Variants in ITPR1 observed in about 807,000 individuals in gnomAD.
The protein encoded by ITPR1 is inositol 1,4,5-trisphosphate receptor type 1.
A neutral mutation model predicts 318.4 loss-of-function variants in ITPR1; 96 were observed. The ratio of observed to expected loss-of-function variants is 0.30; its 90% CI spans 0.26 to 0.36. ITPR1 has a LOEUF of 0.36. Among genes scored for constraint, ITPR1 ranks in the 10% least tolerant of loss-of-function variants. ITPR1 has a pLI of 1.00. For missense variants in ITPR1, 2,440 were observed against 3,460.2 expected (o/e 0.71, Z 7.40); for synonymous variants, 1,312 against 1,289.9 (o/e 1.02, Z -0.37).
chr3:4,593,641 G>A (rs1470991775), intron 4 of ITPR1, among the ~76,000 whole-genome samples: 1 of 152,228 alleles, frequency 6.6e-6, no homozygotes, highest in Admixed American at 6.5e-5. Flanking sequence ...GAGGGGCCAT[G>A]CTGTTCTTTG....
chr3:4,703,628 T>C (rs2094699763), intron 36 of ITPR1, among the ~76,000 whole-genome samples: 1 of 152,110 alleles, frequency 6.6e-6, no homozygotes, highest in Non-Finnish European at 1.5e-5. Context: ...TTGCAGACAG[T>C]AACAAGAAGA....
At chr3:4,788,476 G>A (rs1227627100) in intron 52 of ITPR1, among the ~76,000 whole-genome samples, 1 of 152,220 alleles carries the variant, frequency 6.6e-6, no homozygotes, top group Non-Finnish European at 1.5e-5. Context: ...CTCACAGGGT[G>A]GTTCACTTGA....
At chr3:4,671,283 G>A (rs1430389239) in intron 20 of ITPR1, among the ~76,000 whole-genome samples, 1 of 152,170 alleles carries the variant, frequency 6.6e-6, no homozygotes, top group East Asian at 1.9e-4. Flanking sequence ...TTGATTTTAT[G>A]CTCTAATTTC....
chr3:4,717,174 G>A (rs1267515215), intron 39 of ITPR1, among the ~76,000 whole-genome samples, 193 bp from the exon 40 acceptor site: 7 of 152,206 alleles, frequency 4.6e-5, no homozygotes, highest in South Asian at 4.1e-4. Context: ...CATCGTGTCC[G>A]TTTTGGTCCT....
At chr3:4,645,751 G>C in intron 10 of ITPR1, 23 bp downstream of exon 10, 1 of 1,607,480 alleles carries the variant, frequency 6.2e-7, no homozygotes, top group Non-Finnish European at 8.5e-7. Flanking sequence ...TGGAGAAAGG[G>C]CTCCTGGGTT....
intron 4 of ITPR1, among the ~76,000 whole-genome samples, chr3:4,575,501 C>G (rs756644114): frequency 3.9e-5 from 6 of 152,128 alleles, no homozygotes; most frequent in Non-Finnish European, 5.9e-5. Context: ...GATTGTCTCT[C>G]CAGACCTGTC....
intron 2 of ITPR1, among the ~76,000 whole-genome samples, chr3:4,501,798 A>G (rs1441392184): frequency 6.6e-6 from 1 of 152,242 alleles, no homozygotes; most frequent in Non-Finnish European, 1.5e-5. Context: ...GAAAGAGACC[A>G]GAAGGCACAT....
intron 31 of ITPR1, among the ~76,000 whole-genome samples, chr3:4,690,470 A>G (rs9815748): frequency 0.43 from 65,664 of 152,010 alleles, 15,586 homozygotes; most frequent in Non-Finnish European, 0.56. Flanking sequence ...CTAAGTGTTG[A>G]CAAGGATAGG....
intron 42 of ITPR1, among the ~76,000 whole-genome samples, chr3:4,730,226 A>C (rs936140958): frequency 1.4e-5 from 2 of 147,692 alleles, no homozygotes; most frequent in Non-Finnish European, 3.0e-5. Flanking sequence ...TAAAAAAAAA[A>C]AAAACAAAAA....
At chr3:4,755,203 T>A (rs1203766538) in intron 44 of ITPR1, among the ~76,000 whole-genome samples, 2 of 150,566 alleles carry the variant, frequency 1.3e-5, no homozygotes, top group Non-Finnish European at 3.0e-5. Context: ...GAATTACTGT[T>A]TGTTGGTTGA....
At chr3:4,540,248 T>C (rs2084306513) in intron 4 of ITPR1, among the ~76,000 whole-genome samples, 1 of 152,158 alleles carries the variant, frequency 6.6e-6, no homozygotes, top group Non-Finnish European at 1.5e-5. Context: ...AGAAACATTT[T>C]TCTTTCTAAT....
chr3:4,845,197 G>A (rs924432918), intron 61 of ITPR1, among the ~76,000 whole-genome samples: 13 of 152,148 alleles, frequency 8.5e-5, no homozygotes, highest in African/African-American at 3.1e-4. Flanking sequence ...TACAATTTTA[G>A]GAAGCTAAAA....
chr3:4,846,254 C>CTTTTATAATTATTATTAGTATTAA lies in ITPR1; in HGVS notation c.*48_*49insATTAATTTTATAATTATTATTAGT. On this transcript the variant is annotated 3_prime_UTR_variant, in exon 62 of 62. Coordinates refer to ENST00000649015, the MANE Select transcript of ITPR1 (RefSeq NM_001378452.1). ...AATGAAAGAAAGGAATTGTATTTACCTTTTATAATTATTATTAGTGTGGGT... is the reference window on the plus strand; with the variant it reads ...AATGAAAGAAAGGAATTGTATTTACCTTTTATAATTATTATTAGTATTAATTTTATAATTATTATTAGTGTGGGT... 1 of 1,436,866 alleles carries CTTTTATAATTATTATTAGTATTAA rather than the reference C, an allele frequency of 7.0e-7. No homozygotes were observed. The highest frequency in any genetic ancestry group is 9.6e-7 in the Non-Finnish European group (1 of 1,043,666). 89.0% of individuals were successfully genotyped at this position (1,436,866 alleles called of 1,614,324 possible). A position where few individuals can be genotyped will look rare whatever the true frequency, so the allele number is the denominator to read the frequency against.
At position 4,700,996 on chromosome 3, in the gene ITPR1, C is replaced by T. The variant is rs527980853; in HGVS notation, c.4536+1055C>T. ...TCAGTTACCTCCCACCAGGTGTCTC[C>T]CACAACATGTGGGAATTGTGGGAGC... On this transcript the variant is annotated intron_variant, in intron 35 of 61. Coordinates refer to ENST00000649015, the MANE Select transcript of ITPR1 (RefSeq NM_001378452.1). 4.8e-4 allele frequency among the ~76,000 whole-genome samples: 73 copies of T among 152,276 alleles called. 1 individual carries two copies. Among genetic ancestry groups the T allele is most frequent in the African/African-American group, 1.6e-3 (68 of 41,552 alleles).
intron 2 of ITPR1, among the ~76,000 whole-genome samples, chr3:4,512,756 C>T (rs918122341): frequency 6.6e-6 from 1 of 152,164 alleles, no homozygotes; most frequent in African/African-American, 2.4e-5. Context: ...ACCCATTGCT[C>T]ACCACAGCCT....
intron 54 of ITPR1, among the ~76,000 whole-genome samples, chr3:4,804,904 GC>G (rs973182125): frequency 2.6e-5 from 4 of 152,114 alleles, no homozygotes; most frequent in African/African-American, 9.7e-5. Flanking sequence ...CGCACCTGTG[GC>G]CAAGGGAGCT....
At chr3:4,827,824 A>T (rs934866784) in intron 60 of ITPR1, among the ~76,000 whole-genome samples, 3 of 152,124 alleles carry the variant, frequency 2.0e-5, no homozygotes, top group African/African-American at 7.2e-5. Flanking sequence ...GAATTTGGAG[A>T]CCATCCACAT....
intron 42 of ITPR1, 67 bp from the exon 43 acceptor site, chr3:4,733,021 T>C: frequency 6.6e-7 from 1 of 1,520,672 alleles, no homozygotes; most frequent in South Asian, 1.2e-5. Context: ...CCTGTGTGTT[T>C]TGAATATTCG....
At position 4,714,307 on chromosome 3, in the gene ITPR1, G is replaced by A. The variant is rs966454402; in HGVS notation, c.5103+2439G>A. ...GCCTGGGTGCTGAGGACGACACCAC[G>A]GTGAGTGTGGAGGCCGTTTCCCTCC... is the stretch of plus-strand genomic sequence containing the variant. On this transcript the variant is annotated intron_variant, in intron 39 of 61. Transcript: ENST00000649015. 4.7e-5 allele frequency among the ~76,000 whole-genome samples: 7 copies of A among 147,714 alleles called. No individual in the cohort carries two copies. The South Asian group carries it at 6.2e-4, about 13-fold the overall frequency.
Sources: gnomAD v4.1 joint callset for allele counts (sites outside exome capture counted in the v4.1 genomes callset) on GRCh38, gnomAD v4.1.1 for gene constraint, MANE v1.5 for transcripts, NCBI Gene and HGNC (gene_info 2026-07-23, HGNC 2026-07-21) for gene names.